Variants in ATL1 observed in about 807,000 individuals in gnomAD.
ATL1 encodes the protein atlastin GTPase 1, also known as atlastin-1.
In ATL1, 31 loss-of-function variants were observed where a neutral mutation model predicts 75.5. The observed-to-expected ratio is 0.41, with a 90% CI of 0.31 to 0.55. The LOEUF is 0.55. ATL1 is among the 20% of genes least tolerant of loss of function. The probability of loss-of-function intolerance (pLI) is 0.27; values close to 1 mark genes in which losing one functional copy is unlikely to be tolerated. For missense variants in ATL1, 405 were observed against 662.6 expected (o/e 0.61, Z 4.27); for synonymous variants, 226 against 233.3 (o/e 0.97, Z 0.28).
intron 1 of ATL1, among the ~76,000 whole-genome samples, chr14:50,570,032 C>G: frequency 6.6e-6 from 1 of 152,142 alleles, no homozygotes; most frequent in African/African-American, 2.4e-5. Context: ...ATGTGGGTCT[C>G]TTTGAGTTCA....
intron 1 of ATL1, among the ~76,000 whole-genome samples, chr14:50,541,413 A>C (rs1049919465): frequency 6.6e-6 from 1 of 152,236 alleles, no homozygotes; most frequent in Non-Finnish European, 1.5e-5. Context: ...CACATTAGTG[A>C]CATTTCTAAC....
chr14:50,621,679 A>G (rs1181437716), intron 9 of ATL1, among the ~76,000 whole-genome samples, 164 bp from the exon 10 acceptor site: 1 of 152,252 alleles, frequency 6.6e-6, no homozygotes, highest in African/African-American at 2.4e-5. Flanking sequence ...AAGGGAAACA[A>G]CATGAACTAA....
rs879518564 is a variant in ATL1, at chr14:50,605,176, A to AT, written c.631-8072dup. Among the ~76,000 whole-genome samples, 352 of 145,870 alleles carry AT rather than the reference A, an allele frequency of 2.4e-3. 2 individuals are homozygous for AT. The highest frequency in any genetic ancestry group is 2.0e-3 in the African/African-American group (82 of 40,080). ...TGGAGAGTTTGTGCAAAGATTCTTC[A>AT]TTTTTTTTTTTGTAAATCATACGTA... is the stretch of plus-strand genomic sequence containing the variant. On this transcript the variant is annotated intron_variant, in intron 6 of 13. Coordinates refer to ENST00000358385, the MANE Select transcript of ATL1 (RefSeq NM_015915.5).
At chr14:50,571,543 A>G (rs1265506859) in intron 1 of ATL1, among the ~76,000 whole-genome samples, 8 of 152,202 alleles carry the variant, frequency 5.3e-5, no homozygotes, top group Non-Finnish European at 1.2e-4. Context: ...ATCACTGGAT[A>G]TTGAATTTTA....
At chr14:50,576,205 G>C (rs1176902261) in intron 1 of ATL1, among the ~76,000 whole-genome samples, 6 of 152,146 alleles carry the variant, frequency 3.9e-5, no homozygotes, top group Non-Finnish European at 7.4e-5. Context: ...CCCAGTTGTA[G>C]GCTAACGTGT....
chr14:50,536,997 G>A (rs1021121217), intron 1 of ATL1, among the ~76,000 whole-genome samples: 18 of 152,366 alleles, frequency 1.2e-4, no homozygotes, highest in Middle Eastern at 3.4e-3. Context: ...CATAAGTAAC[G>A]AAAAGCTGAA....
At chr14:50,561,140 T>A (rs898101409) in intron 1 of ATL1, 2 of 152,212 alleles carry the variant, frequency 1.3e-5, no homozygotes, top group Non-Finnish European at 2.9e-5. Context: ...TGGGCGGTGC[T>A]CACGCAGGCG....
At chr14:50,584,730 A>AAAAAT (rs902119204) in intron 1 of ATL1, among the ~76,000 whole-genome samples, 4 of 151,496 alleles carry the variant, frequency 2.6e-5, no homozygotes, top group African/African-American at 4.8e-5. Flanking sequence ...TAAATAAATA[A>AAAAAT]AAAATAAAAT....
chr14:50,551,057 CA>C (rs1287452416), intron 1 of ATL1, among the ~76,000 whole-genome samples: 2 of 150,738 alleles, frequency 1.3e-5, no homozygotes, highest in Non-Finnish European at 3.0e-5. Context: ...GAAATTGAAA[CA>C]AAAAAAATTC....
At chr14:50,627,452 T>C (rs1179534100) in intron 11 of ATL1, among the ~76,000 whole-genome samples, 1 of 152,240 alleles carries the variant, frequency 6.6e-6, no homozygotes, top group Non-Finnish European at 1.5e-5. Context: ...GAGATTACCC[T>C]TGTAACTTTT....
Position 50,632,646 on chromosome 14 carries a change from G to T in ATL1, c.*307G>T. The T allele has an allele frequency of 4.3e-6, 1 of 231,620 alleles. No homozygotes were observed. Among genetic ancestry groups the T allele is most frequent in the Non-Finnish European group, 8.7e-6 (1 of 115,086 alleles). The allele number at this position is 231,620 out of a possible 1,614,324, so 14.3% of individuals were successfully genotyped here. On this transcript the variant is annotated 3_prime_UTR_variant, in exon 14 of 14. Transcript: ENST00000358385. ...TTGAATTTACTAAATTCTACTACTG[G>T]GTTATAATTAAATCATGTGATATTC... is the stretch of plus-strand genomic sequence containing the variant.
At chr14:50,623,081 C>A in intron 10 of ATL1, 96 bp from the exon 11 acceptor site, 1 of 993,966 alleles carries the variant, frequency 1.0e-6, no homozygotes, top group Non-Finnish European at 1.6e-6. Flanking sequence ...GTTTCTTGCA[C>A]ATTTCTTGCA....
chr14:50,546,944 C>T (rs1169282337), intron 1 of ATL1, among the ~76,000 whole-genome samples: 1 of 152,076 alleles, frequency 6.6e-6, no homozygotes, highest in African/African-American at 2.4e-5. Flanking sequence ...CCCATATACC[C>T]GTCATCTACA....
chr14:50,587,662 G>T (rs918764615), intron 1 of ATL1, among the ~76,000 whole-genome samples, 169 bp from the exon 2 acceptor site: 1 of 152,122 alleles, frequency 6.6e-6, no homozygotes, highest in Admixed American at 6.6e-5. Context: ...TCCCACCTCA[G>T]CCTCCCAAGG....
At chr14:50,632,111 A>G in intron 13 of ATL1, 118 bp from the exon 14 acceptor site, 1 of 627,176 alleles carries the variant, frequency 1.6e-6, no homozygotes, top group Non-Finnish European at 2.8e-6. Flanking sequence ...TATATCGATT[A>G]AAAAAGATTT....
At chr14:50,587,553 G>A (rs2039113729) in intron 1 of ATL1, among the ~76,000 whole-genome samples, 1 of 151,790 alleles carries the variant, frequency 6.6e-6, no homozygotes, top group Non-Finnish European at 1.5e-5. Context: ...GGGACCACAG[G>A]CACGTGCTAC....
chr14:50,606,147 G>A (rs8014171), intron 6 of ATL1, among the ~76,000 whole-genome samples: 2,945 of 152,076 alleles, frequency 0.019, 44 homozygotes, highest in Non-Finnish European at 0.03. Context: ...CTGCATTTTG[G>A]AGTCAGCATT....
intron 1 of ATL1, among the ~76,000 whole-genome samples, chr14:50,539,079 C>A (rs2038529548): frequency 6.6e-6 from 1 of 152,214 alleles, no homozygotes; most frequent in Non-Finnish European, 1.5e-5. Context: ...TAGAATTAGT[C>A]TCAGAAAAGA....
At chr14:50,626,347 A>G (rs539202625) in intron 11 of ATL1, among the ~76,000 whole-genome samples, 1 of 152,222 alleles carries the variant, frequency 6.6e-6, no homozygotes, top group Non-Finnish European at 1.5e-5. Flanking sequence ...GGAGGCAAAA[A>G]TATCAACAAG....
Sources: gnomAD v4.1 joint callset for allele counts (sites outside exome capture counted in the v4.1 genomes callset) on GRCh38, gnomAD v4.1.1 for gene constraint, MANE v1.5 for transcripts, NCBI Gene and HGNC (gene_info 2026-07-23, HGNC 2026-07-21) for gene names.